CALML4: variants seen among roughly 807,000 people sequenced by gnomAD.
CALML4 encodes the protein calmodulin-like protein 4.
A neutral mutation model predicts 17.9 loss-of-function variants in CALML4; 16 were observed. The ratio of observed to expected loss-of-function variants is 0.89; its 90% confidence interval spans 0.61 to 1.36. The LOEUF (loss-of-function observed/expected upper bound fraction) is 1.36. Among genes scored for constraint, CALML4 ranks in the 40% most tolerant of loss-of-function variants. The pLI, the probability that CALML4 is intolerant of heterozygous loss-of-function variation, is 0.00. For missense variants in CALML4, 203 were observed against 194.8 expected (o/e 1.04, Z -0.25); for synonymous variants, 86 against 71.5 (o/e 1.20, Z -1.02).
Position 68,191,741 on chromosome 15 carries a change from A to C in CALML4, c.*2274T>G, listed in dbSNP as rs556250364. On this transcript the variant is annotated 3_prime_UTR_variant, in exon 5 of 5. Coordinates refer to ENST00000467889, the MANE Select transcript of CALML4 (RefSeq NM_033429.3). Reference sequence around the variant, plus strand: ...GAGCACCGTGGCCTTCTTGTAAACAACACTAGGTGCTAGAGAAACCAGCTG... The same window carrying C: ...GAGCACCGTGGCCTTCTTGTAAACACCACTAGGTGCTAGAGAAACCAGCTG... 16 of 152,406 alleles carry C rather than the reference A, an allele frequency of 1.0e-4. No homozygotes were observed. The East Asian group carries it at 2.5e-3, about 24-fold the overall frequency. 9.4% of individuals were successfully genotyped at this position (152,406 alleles called of 1,614,324 possible).
intron 3 of CALML4, among the ~76,000 whole-genome samples, chr15:68,198,757 G>A (rs1292363522): frequency 9.7e-6 from 1 of 102,648 alleles, no homozygotes; most frequent in Non-Finnish European, 2.4e-5. Context: ...AAAAACTATT[G>A]CATAGTTTTT....
chr15:68,195,966 A>AC (rs1276214442), intron 4 of CALML4, among the ~76,000 whole-genome samples: 1 of 152,074 alleles, frequency 6.6e-6, no homozygotes, highest in Non-Finnish European at 1.5e-5. Flanking sequence ...GGGAAGGATG[A>AC]CCCATGTCTT....
Position 68,193,498 on chromosome 15 carries a change from T to A in CALML4, c.*517A>T, listed in dbSNP as rs931121929. 6.5e-6 allele frequency: 1 copy of A among 153,618 alleles called. No homozygotes were observed. Among genetic ancestry groups the A allele is most frequent in the African/African-American group, 2.4e-5 (1 of 41,480 alleles). 9.5% of individuals were successfully genotyped at this position (153,618 alleles called of 1,614,324 possible). Reference sequence around the variant, plus strand: ...TTGTCATAAGTGTTACAGCTTTCTGTTCATTGCTGCTTCTCAGCTAGCACT... The same window carrying A: ...TTGTCATAAGTGTTACAGCTTTCTGATCATTGCTGCTTCTCAGCTAGCACT... On this transcript the variant is annotated 3_prime_UTR_variant, in exon 5 of 5. Coordinates refer to ENST00000467889, the MANE Select transcript of CALML4 (RefSeq NM_033429.3).
intron 2 of CALML4, among the ~76,000 whole-genome samples, chr15:68,203,685 C>T (rs1249439141): frequency 6.6e-6 from 1 of 152,204 alleles, no homozygotes; most frequent in African/African-American, 2.4e-5. Context: ...TTATTCCCCT[C>T]TGTCCGTGGC....
rs1216425073 is a variant in CALML4 at position 68,200,037 on chromosome 15, C to G, written c.35-356G>C. 6.1e-6 allele frequency: 1 copy of G among 164,894 alleles called. No individual in the cohort carries two copies. Among genetic ancestry groups the G allele is most frequent in the Non-Finnish European group, 1.3e-5 (1 of 76,528 alleles). The allele number at this position is 164,894 out of a possible 1,614,324, so 10.2% of individuals were successfully genotyped here. A position where few individuals can be genotyped will look rare whatever the true frequency, so the allele number is the denominator to read the frequency against. ...CCTACTCCCTCCCTTCCTTCTCCCT[C>G]CCCCTCCCCGCCAACCCACAGGACT... On this transcript the variant is annotated intron_variant, in intron 2 of 4. Transcript: ENST00000467889. This position sits in a 1 kb window ranked among gnomAD's most constrained non-coding sequence, Gnocchi z 4.3.
chr15:68,194,063 C>T lies in CALML4; in HGVS notation c.414G>A (p.Lys138=). ...EADIEPNGKV[K]YDEFIHKITL... ...TGATCTTGTGGATAAATTCATCATA[C>T]TTCACTTTGCCATTGGGTTCGATAT... The change falls in exon 5 of 5, where the codon AAG becomes AAA. Residue 138 remains lysine (K), a synonymous_variant. Transcript: ENST00000467889. 1 of 1,614,130 alleles carries T rather than the reference C, an allele frequency of 6.2e-7. No individual in the cohort carries two copies. Among genetic ancestry groups the T allele is most frequent in the Non-Finnish European group, 8.5e-7 (1 of 1,179,964 alleles).
chr15:68,190,785 A>ATG lies in CALML4; in HGVS notation c.*3228_*3229dup, dbSNP rs1018203522. 6.6e-5 allele frequency: 10 copies of ATG among 152,142 alleles called. No individual in the cohort carries two copies. The highest frequency in any genetic ancestry group is 2.0e-4 in the Admixed American group (3 of 15,270). 9.4% of individuals were successfully genotyped at this position (152,142 alleles called of 1,614,324 possible). The stretch of plus-strand genomic sequence containing the variant: ...AAAAAAAAAAATCTGAACCAGAACC[A>ATG]TGCCATACTTGGTTGACTATTTTGA... On this transcript the variant is annotated 3_prime_UTR_variant, in exon 5 of 5. Transcript: ENST00000467889. This position sits in a 1 kb window ranked among gnomAD's most constrained non-coding sequence, Gnocchi z 4.7.
At position 68,191,525 on chromosome 15, in the gene CALML4, G is replaced by T. The variant is rs1482468561; in HGVS notation, c.*2490C>A. On this transcript the variant is annotated 3_prime_UTR_variant, in exon 5 of 5. Transcript: ENST00000467889. ...AGGGGACAATCCCTATGAGACAAGT[G>T]ATAATGGTTTGTGCTTCCAAAGCAC... is the stretch of plus-strand genomic sequence containing the variant. 1.3e-5 allele frequency: 2 copies of T among 152,660 alleles called. No homozygotes were observed. The highest frequency in any genetic ancestry group is 2.1e-4 in the South Asian group (1 of 4,834). The allele number at this position is 152,660 out of a possible 1,614,324, so 9.5% of individuals were successfully genotyped here. A position where few individuals can be genotyped will look rare whatever the true frequency, so the allele number is the denominator to read the frequency against.
intron 2 of CALML4, among the ~76,000 whole-genome samples, chr15:68,202,076 A>G (rs1460829375): frequency 2.0e-5 from 3 of 152,244 alleles, no homozygotes; most frequent in Non-Finnish European, 2.9e-5. Flanking sequence ...TGAAAGGATT[A>G]ATTGGGTTAA....
At position 68,204,750 on chromosome 15, in the gene CALML4, TTC is replaced by T. The variant is rs2093176490; in HGVS notation, c.34+369_34+370del. On this transcript the variant is annotated intron_variant, in intron 2 of 4. Coordinates refer to ENST00000467889, the MANE Select transcript of CALML4 (RefSeq NM_033429.3). This position sits in a 1 kb window ranked among gnomAD's most constrained non-coding sequence, Gnocchi z 6.0. ...CCAGAGAGTGCAGACCTGGCCTCTG[TTC>T]TGTCTCAATTACAAAGCCCCTCCTC... Among the ~76,000 whole-genome samples the T allele has an allele frequency of 6.6e-6, 1 of 151,970 alleles. No homozygotes were observed. Among genetic ancestry groups the T allele is most frequent in the Non-Finnish European group, 1.5e-5 (1 of 67,954 alleles).
chr15:68,199,102 C>T (rs901049350), intron 3 of CALML4, among the ~76,000 whole-genome samples: 1 of 150,924 alleles, frequency 6.6e-6, no homozygotes, highest in Non-Finnish European at 1.5e-5. Flanking sequence ...GCAGAGGTTG[C>T]AGTGAGCCGA....
chr15:68,203,269 T>G (rs1370897789), intron 2 of CALML4, among the ~76,000 whole-genome samples: 1 of 152,226 alleles, frequency 6.6e-6, no homozygotes, highest in African/African-American at 2.4e-5. Context: ...CCAACTCTTA[T>G]ATCCATTGCC....
chr15:68,203,026 G>T (rs2093170499), intron 2 of CALML4, among the ~76,000 whole-genome samples: 1 of 152,106 alleles, frequency 6.6e-6, no homozygotes. Flanking sequence ...TGTTGGCCAG[G>T]CTGGTCTCAA....
Position 68,192,130 on chromosome 15 carries a change from C to G in CALML4, c.*1885G>C, listed in dbSNP as rs185275485. 2 of 152,292 alleles carry G rather than the reference C, an allele frequency of 1.3e-5. No individual in the cohort carries two copies. The highest frequency in any genetic ancestry group is 2.4e-5 in the African/African-American group (1 of 41,558). 9.4% of individuals were successfully genotyped at this position (152,292 alleles called of 1,614,324 possible). ...CCATCTAAATCATTGGTATCTATCT[C>G]CCATCTAATCTTTGGTATTCCAGGT... On this transcript the variant is annotated 3_prime_UTR_variant, in exon 5 of 5. Transcript: ENST00000467889.
chr15:68,195,046 CAA>C (rs35627887), intron 4 of CALML4, among the ~76,000 whole-genome samples: 16 of 130,606 alleles, frequency 1.2e-4, no homozygotes, highest in African/African-American at 1.4e-4. Flanking sequence ...TCCATCACTC[CAA>C]AAAAAAAAAA....
rs762418393 is a variant in CALML4, at chr15:68,200,500, C to T, written c.35-819G>A. 2.6e-5 allele frequency among the ~76,000 whole-genome samples: 4 copies of T among 152,228 alleles called. No homozygotes were observed. The highest frequency in any genetic ancestry group is 4.8e-5 in the African/African-American group (2 of 41,468). On this transcript the variant is annotated intron_variant, in intron 2 of 4. Transcript: ENST00000467889. This position sits in a 1 kb window ranked among gnomAD's most constrained non-coding sequence, Gnocchi z 4.3. ...CTCCCGGCCTGACACAGCCATCCCA[C>T]GGGCTCCCGGCCCTGGGAGGCCCAG...
At chr15:68,202,643 C>CT (rs35347293) in intron 2 of CALML4, among the ~76,000 whole-genome samples, 58,312 of 127,384 alleles carry the variant, frequency 0.46, 13,352 homozygotes, top group East Asian at 0.79. Context: ...GTTTTGCCAA[C>CT]TTTTTTTTTT....
Position 68,202,807 on chromosome 15 carries a change from CTTTTT to C in CALML4, c.34+2309_34+2313del, listed in dbSNP as rs35057668. Among the ~76,000 whole-genome samples, 153 of 95,032 alleles carry C rather than the reference CTTTTT, an allele frequency of 1.6e-3. 7 individuals carry two copies. The highest frequency in any genetic ancestry group is 7.2e-3 in the African/African-American group (144 of 19,926). 62.3% of individuals were successfully genotyped at this position (95,032 alleles called of 152,430 possible). On this transcript the variant is annotated intron_variant, in intron 2 of 4. Transcript: ENST00000467889. ...TATAGGCATGTGCCACCATGACCGG[CTTTTT>C]TTTTTTTTTTTTTTTTTTTGAGACA... is the stretch of plus-strand genomic sequence containing the variant.
chr15:68,190,943 G>C lies in CALML4; in HGVS notation c.*3072C>G, dbSNP rs2093116777. The C allele has an allele frequency of 6.6e-6, 1 of 152,188 alleles. No homozygotes were observed. The highest frequency in any genetic ancestry group is 1.5e-5 in the Non-Finnish European group (1 of 68,032). The allele number at this position is 152,188 out of a possible 1,614,324, so 9.4% of individuals were successfully genotyped here. A position where few individuals can be genotyped will look rare whatever the true frequency, so the allele number is the denominator to read the frequency against. Reference sequence around the variant, plus strand: ...CTTTGAGTCAAGTGTCTGAAATGGAGTGAAAATATATCCTAACTAAATTAA... The same window carrying C: ...CTTTGAGTCAAGTGTCTGAAATGGACTGAAAATATATCCTAACTAAATTAA... On this transcript the variant is annotated 3_prime_UTR_variant, in exon 5 of 5. Transcript: ENST00000467889. This position sits in a 1 kb window ranked among gnomAD's most constrained non-coding sequence, Gnocchi z 4.7.
Sources: gnomAD v4.1 joint callset for allele counts (sites outside exome capture counted in the v4.1 genomes callset) on GRCh38, gnomAD v4.1.1 for gene constraint, Gnocchi (gnomAD v3.1) non-coding constraint, MANE v1.5 for transcripts, NCBI Gene and HGNC (gene_info 2026-07-23, HGNC 2026-07-21) for gene names.